Variants in FER observed in about 807,000 individuals in gnomAD.
The protein encoded by FER is tyrosine-protein kinase Fer.
Under a neutral mutation model 111.0 loss-of-function variants are expected in FER, and 63 were observed. The observed-to-expected ratio is 0.57, with a 90% CI of 0.46 to 0.70. FER has a LOEUF of 0.70. FER is among the 30% of genes least tolerant of loss of function. FER has a pLI of 0.00. For synonymous variants in FER, 327 were observed against 313.9 expected, an observed-to-expected ratio of 1.04 and a Z score of -0.44; for missense variants, 914 against 954.0, an observed-to-expected ratio of 0.96 and a Z score of 0.55.
At chr5:108,845,051 T>TAC (rs1761868401) in intron 5 of FER, among the ~76,000 whole-genome samples, 5 of 48,742 alleles carry the variant, frequency 1.0e-4, no homozygotes, top group African/African-American at 3.7e-4. Flanking sequence ...CATATATATA[T>TAC]ATATATATAT....
chr5:109,167,936 T>G (rs896921595), intron 17 of FER, among the ~76,000 whole-genome samples: 1 of 152,126 alleles, frequency 6.6e-6, no homozygotes, highest in African/African-American at 2.4e-5. Flanking sequence ...ATGAATTATA[T>G]GAGAGAAATC....
chr5:109,105,355 A>G (rs1049851548), intron 17 of FER, among the ~76,000 whole-genome samples: 1 of 150,710 alleles, frequency 6.6e-6, no homozygotes, highest in Non-Finnish European at 1.5e-5. Flanking sequence ...ATGATCTTTG[A>G]GGATTTATTT....
intron 10 of FER, among the ~76,000 whole-genome samples, chr5:108,926,036 A>G (rs1436690087): frequency 1.3e-5 from 2 of 151,412 alleles, no homozygotes; most frequent in Non-Finnish European, 3.0e-5. Flanking sequence ...AATCTCTGAT[A>G]TATATTCTTT....
At chr5:108,764,126 C>A (rs1050144342) in intron 1 of FER, among the ~76,000 whole-genome samples, 3 of 152,022 alleles carry the variant, frequency 2.0e-5, no homozygotes, top group African/African-American at 7.3e-5. Flanking sequence ...TCAATGCCAC[C>A]CAAACCGTGT....
intron 2 of FER, 91 bp downstream of exon 2, chr5:108,768,329 C>A (rs915478242): frequency 6.6e-6 from 1 of 152,024 alleles, no homozygotes; most frequent in East Asian, 1.9e-4. Flanking sequence ...TTGTAGTATT[C>A]TTTATGTTAG....
intron 13 of FER, among the ~76,000 whole-genome samples, chr5:108,962,387 T>G (rs1759259651): frequency 6.6e-6 from 1 of 152,226 alleles, no homozygotes; most frequent in African/African-American, 2.4e-5. Context: ...CAGGGAGGCC[T>G]TGTCTGACTA....
intron 5 of FER, among the ~76,000 whole-genome samples, chr5:108,840,393 TTC>T: frequency 6.6e-6 from 1 of 152,330 alleles, no homozygotes; most frequent in East Asian, 1.9e-4. Context: ...TTTTATTTTT[TTC>T]TGTCCATCAT....
intron 5 of FER, among the ~76,000 whole-genome samples, chr5:108,860,298 T>C (rs956570345): frequency 6.6e-5 from 10 of 152,222 alleles, no homozygotes; most frequent in African/African-American, 2.2e-4. Context: ...CATTTTCTTT[T>C]TGTCTTTCCA....
At chr5:108,986,210 A>C (rs1762557153) in intron 13 of FER, among the ~76,000 whole-genome samples, 1 of 151,502 alleles carries the variant, frequency 6.6e-6, no homozygotes, top group Non-Finnish European at 1.5e-5. Context: ...ATTTCATCAA[A>C]TATTTGTTGG....
chr5:108,887,566 T>C (rs187189569), intron 9 of FER, among the ~76,000 whole-genome samples: 1 of 151,848 alleles, frequency 6.6e-6, no homozygotes, highest in East Asian at 1.9e-4. Context: ...ATTTGAAATT[T>C]TTATAAAAAA....
chr5:109,150,351 T>C (rs1754692937), intron 17 of FER, among the ~76,000 whole-genome samples: 1 of 152,174 alleles, frequency 6.6e-6, no homozygotes, highest in South Asian at 2.1e-4. Context: ...CTCTGGAGCA[T>C]CCTATACCCA....
Position 109,195,303 on chromosome 5 carries a change from T to C in FER, c.*7728T>C, listed in dbSNP as rs1160209905. Reference sequence around the variant, plus strand: ...CTATCCCATGCCATGCCAATGTGAATTGCTTTGCTTCAGTAACAATCAGAA... The same window carrying C: ...CTATCCCATGCCATGCCAATGTGAACTGCTTTGCTTCAGTAACAATCAGAA... On this transcript the variant is annotated 3_prime_UTR_variant, in exon 20 of 20. Transcript: ENST00000281092. 6.6e-6 allele frequency: 1 copy of C among 152,162 alleles called. No homozygotes were observed. The highest frequency in any genetic ancestry group is 2.4e-5 in the African/African-American group (1 of 41,442). The allele number at this position is 152,162 out of a possible 1,614,324, so 9.4% of individuals were successfully genotyped here.
At chr5:109,168,995 A>G (rs1756828063) in intron 17 of FER, among the ~76,000 whole-genome samples, 1 of 152,214 alleles carries the variant, frequency 6.6e-6, no homozygotes, top group African/African-American at 2.4e-5. Flanking sequence ...GCAAGTTAGT[A>G]AAAGCAAATT....
intron 13 of FER, among the ~76,000 whole-genome samples, chr5:108,965,159 A>G (rs1759638644): frequency 6.6e-6 from 1 of 152,190 alleles, no homozygotes; most frequent in African/African-American, 2.4e-5. Context: ...CAAAAAAATT[A>G]CAAAATGTTC....
intron 17 of FER, among the ~76,000 whole-genome samples, chr5:109,109,965 G>T (rs1035906804): frequency 2.0e-5 from 3 of 152,038 alleles, no homozygotes; most frequent in Non-Finnish European, 4.4e-5. Flanking sequence ...ACTGGTTTTT[G>T]TGCCAAATCC....
chr5:109,004,881 C>A (rs1427858984), intron 13 of FER, among the ~76,000 whole-genome samples: 1 of 151,922 alleles, frequency 6.6e-6, no homozygotes, highest in East Asian at 1.9e-4. Context: ...TAATAAGTAT[C>A]ATATTACCAA....
chr5:109,099,921 A>C (rs1748014372), intron 16 of FER, among the ~76,000 whole-genome samples: 1 of 151,672 alleles, frequency 6.6e-6, no homozygotes, highest in African/African-American at 2.4e-5. Flanking sequence ...GTTGGTGTGA[A>C]TAGTCTAATT....
chr5:109,110,548 G>A (rs1749483986), intron 17 of FER, among the ~76,000 whole-genome samples: 1 of 152,144 alleles, frequency 6.6e-6, no homozygotes, highest in Non-Finnish European at 1.5e-5. Context: ...GCCATTGAAA[G>A]GACTGTGGCT....
intron 5 of FER, chr5:108,842,423 G>A (rs1412136599): frequency 3.9e-5 from 6 of 152,112 alleles, no homozygotes; most frequent in African/African-American, 1.4e-4. Context: ...AAACTAAAGA[G>A]CTTTTGCACA....
Sources: gnomAD v4.1 joint callset for allele counts (sites outside exome capture counted in the v4.1 genomes callset) on GRCh38, gnomAD v4.1.1 for gene constraint, MANE v1.5 for transcripts, NCBI Gene and HGNC (gene_info 2026-07-23, HGNC 2026-07-21) for gene names.